The following DENND4C variants were observed in gnomAD, a reference collection of about 807,000 sequenced individuals.
DENND4C encodes DENN domain-containing protein 4C.
A neutral mutation model predicts 203.0 loss-of-function variants in DENND4C; 108 were observed. The observed-to-expected ratio is 0.53, with a 90% CI of 0.46 to 0.62. DENND4C has a LOEUF of 0.62. Among genes scored for constraint, DENND4C ranks in the 20% least tolerant of loss-of-function variants. The pLI is 0.00. For synonymous variants in DENND4C, 871 were observed against 792.4 expected (o/e 1.10, Z -1.67); for missense variants, 2,481 against 2,301.2 (o/e 1.08, Z -1.60).
chr9:19,320,173 A>T (rs1395550879), intron 12 of DENND4C, among the ~76,000 whole-genome samples: 1 of 152,046 alleles, frequency 6.6e-6, no homozygotes, highest in East Asian at 1.9e-4. Context: ...AAAATCATTG[A>T]TGAAATCTTT....
chr9:19,236,633 A>G (rs1364445683), intron 1 of DENND4C, among the ~76,000 whole-genome samples: 1 of 152,232 alleles, frequency 6.6e-6, no homozygotes, highest in Non-Finnish European at 1.5e-5. Context: ...CAGGTTCATC[A>G]TCCAGAACAT....
At chr9:19,307,156 C>G (rs1017475016) in intron 10 of DENND4C, among the ~76,000 whole-genome samples, 1 of 151,744 alleles carries the variant, frequency 6.6e-6, no homozygotes, top group South Asian at 2.1e-4. Flanking sequence ...TCAGTACTTT[C>G]GGAGGCTGAG....
chr9:19,262,076 CTTTTTTTTTTTT>C (rs60223074), intron 1 of DENND4C, among the ~76,000 whole-genome samples: 5 of 55,446 alleles, frequency 9.0e-5, no homozygotes, highest in Non-Finnish European at 1.4e-4. Flanking sequence ...TTTATTAGTT[CTTTTTTTTTTTT>C]TTTTTTTTTT....
intron 1 of DENND4C, among the ~76,000 whole-genome samples, chr9:19,249,255 T>C (rs1199994948): frequency 6.6e-6 from 1 of 152,034 alleles, no homozygotes; most frequent in Non-Finnish European, 1.5e-5. Flanking sequence ...GTAGTAATTT[T>C]TGTTTTTTTT....
Position 19,346,203 on chromosome 9 carries a change from G to A in DENND4C, c.3434G>A (p.Arg1145Lys). The A allele has an allele frequency of 5.6e-6, 9 of 1,614,196 alleles. No individual in the cohort carries two copies. The highest frequency in any genetic ancestry group is 7.6e-6 in the Non-Finnish European group (9 of 1,180,044). The change falls in exon 23 of 33, where the codon AGA (arginine) becomes AAA (lysine). Residue 1145 changes from arginine (R) to lysine (K), a missense_variant. Around this residue, in one of 3 missense-constraint regions of DENND4C, gnomAD observed 2,289 missense variants for 2,113.3 expected, o/e 1.08. Transcript: ENST00000434457. Reference protein sequence around the residue: ...CPKTSLLHIARTHSFENVSCH... With the variant: ...CPKTSLLHIAKTHSFENVSCH... ...AAGACTTCTCTACTTCATATTGCAA[G>A]AACCCATAGCTTTGAGAATGTTAGC... is the stretch of plus-strand genomic sequence containing the variant.
At position 19,322,324 on chromosome 9, in the gene DENND4C, A is replaced by G. The variant is rs181332325; in HGVS notation, c.1808-2038A>G. Among the ~76,000 whole-genome samples, 10 of 152,300 alleles carry G rather than the reference A, an allele frequency of 6.6e-5. No homozygotes were observed. In the East Asian group the frequency reaches 1.9e-3, roughly 29 times the overall value. ...TAGTACATTCCTCCAGAGCTGGGTTATGCTAGGTAGGTTTAACCAAAAAGA... is the reference window on the plus strand; with the variant it reads ...TAGTACATTCCTCCAGAGCTGGGTTGTGCTAGGTAGGTTTAACCAAAAAGA... On this transcript the variant is annotated intron_variant, in intron 12 of 32. Transcript: ENST00000434457.
intron 1 of DENND4C, among the ~76,000 whole-genome samples, chr9:19,266,945 C>CT: frequency 6.6e-6 from 1 of 152,204 alleles, no homozygotes; most frequent in South Asian, 2.1e-4. Flanking sequence ...AAACTGATTT[C>CT]TTTTTTATCA....
At chr9:19,303,790 G>A (rs1482677587) in intron 9 of DENND4C, among the ~76,000 whole-genome samples, 1 of 151,840 alleles carries the variant, frequency 6.6e-6, no homozygotes, top group Non-Finnish European at 1.5e-5. Flanking sequence ...AAGATAACAG[G>A]GATTTTTATA....
rs146128678 is a variant in DENND4C, at chr9:19,316,502, C to G, written c.1573C>G (p.Pro525Ala). 7.4e-6 allele frequency: 12 copies of G among 1,613,144 alleles called. No homozygotes were observed. Among genetic ancestry groups the G allele is most frequent in the Admixed American group, 1.7e-5 (1 of 59,912 alleles). The change falls in exon 11 of 33, where the codon CCC becomes GCC. Residue 525 changes from proline to alanine, a missense_variant. Physicochemically the swap from Pro to Ala is conservative, Grantham distance 27. This residue lies in a region of DENND4C where 2,289 missense variants were observed against 2,113.3 expected (regional missense o/e 1.08). Coordinates refer to ENST00000434457, the MANE Select transcript of DENND4C (RefSeq NM_001330640.2). Reference sequence around the variant, plus strand: ...ACTTAGCACCTTAAAGAAATTGTATCCCCAGCTGTCTTCAGGTAATGTGAG... The same window carrying G: ...ACTTAGCACCTTAAAGAAATTGTATGCCCAGCTGTCTTCAGGTAATGTGAG... ...NLLSTLKKLY[P>A]QLSSVHQKTQ... is the part of the protein sequence containing the mutation.
chr9:19,323,516 A>G (rs1466368712), intron 12 of DENND4C, among the ~76,000 whole-genome samples: 1 of 152,088 alleles, frequency 6.6e-6, no homozygotes, highest in Non-Finnish European at 1.5e-5. Flanking sequence ...GGTGGTAGGA[A>G]TTAGAAAGGA....
In DENND4C at chr9:19,296,062, G is replaced by C. The variant is rs1563774235; in HGVS notation, c.856G>C (p.Glu286Gln). ...YEPYSRELLS[E>Q]KQLMHLGLLT... ...ACCTTACTCTCGGGAACTTCTATCA[G>C]AGAAACAGCTTATGCACCTGGGCTT... is the stretch of plus-strand genomic sequence containing the variant. Residue 286 changes from glutamate (E) to glutamine (Q), a missense_variant, in exon 6 of 33, where the codon GAG (glutamate) becomes CAG (glutamine). Coordinates refer to ENST00000434457, the MANE Select transcript of DENND4C (RefSeq NM_001330640.2). 3 of 1,614,114 alleles carry C rather than the reference G, an allele frequency of 1.9e-6. No individual in the cohort carries two copies. Among genetic ancestry groups the C allele is most frequent in the South Asian group, 1.1e-5 (1 of 91,076 alleles).
At chr9:19,298,028 T>G in intron 6 of DENND4C, 28 bp from the exon 7 acceptor site, 1 of 1,535,282 alleles carries the variant, frequency 6.5e-7, no homozygotes, top group East Asian at 2.4e-5. Context: ...AAGTAATTAT[T>G]ATATTTATTT....
chr9:19,348,723 G>A (rs1189117972), intron 23 of DENND4C, among the ~76,000 whole-genome samples: 2 of 152,022 alleles, frequency 1.3e-5, no homozygotes, highest in Non-Finnish European at 2.9e-5. Context: ...AAGAGCTTAC[G>A]AGGTCAGTCA....
intron 15 of DENND4C, among the ~76,000 whole-genome samples, chr9:19,326,635 GT>G (rs780711922): frequency 6.6e-6 from 1 of 152,044 alleles, no homozygotes; most frequent in East Asian, 1.9e-4. Context: ...GGATTTTGTA[GT>G]TTTTTTATTG....
At chr9:19,260,475 G>A (rs1271616494) in intron 1 of DENND4C, among the ~76,000 whole-genome samples, 2 of 151,994 alleles carry the variant, frequency 1.3e-5, no homozygotes, top group African/African-American at 2.4e-5. Context: ...TCGGCTTACT[G>A]CAACCTCCAC....
Position 19,341,707 on chromosome 9 carries a change from A to G in DENND4C, c.3004+593A>G, listed in dbSNP as rs945410299. Reference sequence around the variant, plus strand: ...CCAAAATTACATAGCTACTTTTGACAGAACCAGGACTAAACTTTGAGTTAT... The same window carrying G: ...CCAAAATTACATAGCTACTTTTGACGGAACCAGGACTAAACTTTGAGTTAT... On this transcript the variant is annotated intron_variant, in intron 21 of 32. Coordinates refer to ENST00000434457, the MANE Select transcript of DENND4C (RefSeq NM_001330640.2). Among the ~76,000 whole-genome samples the G allele has an allele frequency of 1.4e-4, 22 of 152,338 alleles. 2 individuals carry two copies. Among genetic ancestry groups the G allele is most frequent in the Admixed American group, 4.6e-4 (7 of 15,304 alleles).
chr9:19,293,240 C>G (rs902250871), intron 5 of DENND4C, among the ~76,000 whole-genome samples: 4 of 152,128 alleles, frequency 2.6e-5, no homozygotes, highest in Admixed American at 2.0e-4. Flanking sequence ...ATCTGCTTGG[C>G]TTTTTCATTG....
At chr9:19,312,601 T>C (rs1009096746) in intron 10 of DENND4C, among the ~76,000 whole-genome samples, 1 of 152,074 alleles carries the variant, frequency 6.6e-6, no homozygotes, top group Non-Finnish European at 1.5e-5. Context: ...GGAACAAGGG[T>C]GTGTGTATGT....
intron 1 of DENND4C, among the ~76,000 whole-genome samples, chr9:19,237,493 A>G (rs1006252942): frequency 2.0e-5 from 3 of 152,130 alleles, no homozygotes; most frequent in Admixed American, 1.3e-4. Flanking sequence ...CTGGGACCAC[A>G]GGCTTGTGCC....
Sources: gnomAD v4.1 joint callset for allele counts (sites outside exome capture counted in the v4.1 genomes callset) on GRCh38, gnomAD v4.1.1 for gene constraint, gnomAD v4.1.1 regional missense constraint, MANE v1.5 for transcripts, NCBI Gene and HGNC (gene_info 2026-07-23, HGNC 2026-07-21) for gene names.